Variants in C16orf74 observed in about 807,000 individuals in gnomAD.
C16orf74 encodes the protein uncharacterized protein C16orf74.
A neutral mutation model predicts 6.5 loss-of-function variants in C16orf74; 10 were observed. That is an observed-to-expected ratio of 1.54 (90% CI 0.95 to 2.61). C16orf74 has a LOEUF of 2.61. Among genes scored for constraint, C16orf74 ranks in the 30% most tolerant of loss-of-function variants. The pLI is 0.00. For synonymous variants in C16orf74, 60 were observed against 42.5 expected, an observed-to-expected ratio of 1.41 and a Z score of -1.60; for missense variants, 141 against 105.9, an observed-to-expected ratio of 1.33 and a Z score of -1.45.
chr16:85,730,274 G>A (rs1598796794), intron 2 of C16orf74, among the ~76,000 whole-genome samples: 1 of 152,140 alleles, frequency 6.6e-6, no homozygotes, highest in Non-Finnish European at 1.5e-5. Context: ...AACGGGTCTC[G>A]GAGCTGCCTC....
chr16:85,750,460 G>A (rs1004688616), intron 1 of C16orf74, among the ~76,000 whole-genome samples: 2 of 152,190 alleles, frequency 1.3e-5, no homozygotes, highest in Non-Finnish European at 2.9e-5. Context: ...TGGGAGCGCA[G>A]GGGGGCCCCT....
chr16:85,735,364 G>A (rs1343617489), intron 1 of C16orf74, 129 bp from the exon 2 acceptor site: 2 of 487,762 alleles, frequency 4.1e-6, no homozygotes, highest in Non-Finnish European at 7.2e-6. Context: ...GAAACCACCG[G>A]CCTCCAGGTC....
rs558232732 is a variant in C16orf74 at position 85,733,481 on chromosome 16, T to C, written c.28+1709A>G. On this transcript the variant is annotated intron_variant, in intron 2 of 3. Transcript: ENST00000284245. ...ATTCTGAAGACGGGTGGGGTGATGG[T>C]TGCACAACACTGTGAACGTGCTTAA... Among the ~76,000 whole-genome samples the C allele has an allele frequency of 7.2e-5, 11 of 152,316 alleles. No homozygotes were observed. The South Asian group carries it at 8.3e-4, about 11-fold the overall frequency.
chr16:85,721,734 C>T (rs1275542243), intron 2 of C16orf74, among the ~76,000 whole-genome samples: 4 of 152,180 alleles, frequency 2.6e-5, no homozygotes, highest in African/African-American at 4.8e-5. Flanking sequence ...TCAGGGCTGG[C>T]GCTGGCACTC....
At chr16:85,739,315 T>C (rs1314443230) in intron 1 of C16orf74, among the ~76,000 whole-genome samples, 1 of 152,198 alleles carries the variant, frequency 6.6e-6, no homozygotes, top group Non-Finnish European at 1.5e-5. Flanking sequence ...TCGGATTTTA[T>C]CATCTATTCC....
At chr16:85,732,685 A>AAAG (rs2054202906) in intron 2 of C16orf74, among the ~76,000 whole-genome samples, 1 of 149,422 alleles carries the variant, frequency 6.7e-6, no homozygotes, top group Non-Finnish European at 1.5e-5. Context: ...AAAAAAAAAA[A>AAAG]AAAAGAGTTC....
intron 1 of C16orf74, among the ~76,000 whole-genome samples, chr16:85,736,174 G>A (rs1467382522): frequency 6.6e-6 from 1 of 152,188 alleles, no homozygotes; most frequent in East Asian, 1.9e-4. Flanking sequence ...AGCCGAAGAT[G>A]GGTGGGACCT....
At chr16:85,748,309 T>C (rs2054397122) in intron 1 of C16orf74, among the ~76,000 whole-genome samples, 1 of 151,780 alleles carries the variant, frequency 6.6e-6, no homozygotes, top group South Asian at 2.1e-4. Context: ...TTGAGAGAGT[T>C]ATTATCTGGG....
chr16:85,712,712 C>A (rs1249808390), intron 2 of C16orf74, among the ~76,000 whole-genome samples: 1 of 152,242 alleles, frequency 6.6e-6, no homozygotes, highest in East Asian at 1.9e-4. Flanking sequence ...CTGTGTGACC[C>A]TGCGTGCACT....
intron 1 of C16orf74, among the ~76,000 whole-genome samples, chr16:85,746,645 G>T (rs1278497901): frequency 6.6e-6 from 1 of 152,162 alleles, no homozygotes; most frequent in African/African-American, 2.4e-5. Flanking sequence ...GGCTGAAGAA[G>T]AGTCACAGCT....
chr16:85,718,496 G>T (rs1246742606), intron 2 of C16orf74, among the ~76,000 whole-genome samples: 2 of 152,212 alleles, frequency 1.3e-5, no homozygotes, highest in African/African-American at 4.8e-5. Context: ...GACCCACGAT[G>T]CGATGGACGG....
intron 2 of C16orf74, among the ~76,000 whole-genome samples, chr16:85,730,340 T>C (rs1252077749): frequency 6.6e-6 from 1 of 152,090 alleles, no homozygotes; most frequent in Non-Finnish European, 1.5e-5. Flanking sequence ...GGTCACTTCC[T>C]CTCCTTGGTC....
chr16:85,722,362 T>G (rs1272026555), intron 2 of C16orf74, among the ~76,000 whole-genome samples: 1 of 152,160 alleles, frequency 6.6e-6, no homozygotes, highest in Non-Finnish European at 1.5e-5. Flanking sequence ...ACGTTGCTAC[T>G]TGAGCGAACT....
At position 85,708,031 on chromosome 16, in the gene C16orf74, C is replaced by CA; in HGVS notation, c.207dup (p.Gly70TrpfsTer82). 6.4e-7 allele frequency: 1 copy of CA among 1,553,544 alleles called. No homozygotes were observed. Among genetic ancestry groups the CA allele is most frequent in the Non-Finnish European group, 8.7e-7 (1 of 1,147,954 alleles). On this transcript the variant is annotated frameshift_variant, in exon 4 of 4. Coordinates refer to ENST00000284245, the MANE Select transcript of C16orf74 (RefSeq NM_206967.3). LOFTEE classifies it high-confidence loss of function. ...CCTCAGGCTTCTGGGTCGATTTCTC[C>CA]ATCATCTGGGCACGACCCTGTCTCA... is the stretch of plus-strand genomic sequence containing the variant.
At position 85,725,073 on chromosome 16, in the gene C16orf74, G is replaced by A. The variant is rs547675621; in HGVS notation, c.28+10117C>T. ...TAAGCATGGGTGACTGATGGGGGGG[G>A]GACCGGCTAAGTCCCTGCTGTAAGC... On this transcript the variant is annotated intron_variant, in intron 2 of 3. Coordinates refer to ENST00000284245, the MANE Select transcript of C16orf74 (RefSeq NM_206967.3). 2.9e-3 allele frequency among the ~76,000 whole-genome samples: 447 copies of A among 152,266 alleles called. 4 individuals carry two copies. The highest frequency in any genetic ancestry group is 0.01 in the African/African-American group (430 of 41,558).
chr16:85,710,498 G>C (rs981850894), intron 2 of C16orf74, 191 bp from the exon 3 acceptor site: 5 of 524,686 alleles, frequency 9.5e-6, no homozygotes, highest in African/African-American at 8.1e-5. Context: ...AGGAGCCCTT[G>C]TCACATCTCA....
intron 2 of C16orf74, among the ~76,000 whole-genome samples, chr16:85,733,897 G>A (rs952345543): frequency 1.1e-4 from 16 of 152,292 alleles, no homozygotes; most frequent in African/African-American, 3.1e-4. Context: ...TGGAGGAGCT[G>A]TCAATCAAGA....
In C16orf74 at chr16:85,735,202, A is replaced by G; in HGVS notation, c.16T>C (p.Ser6Pro). The change falls in exon 2 of 4, where the codon TCC becomes CCC. Residue 6 changes from serine to proline, a missense_variant. Transcript: ENST00000284245. MGLKM[S>P]CLKGFQMCVS... ...CTTCAGGCCTTACCTTTCAGGCAGG[A>G]CATCTTAAGCCCCATGTCGGCACCT... The G allele has an allele frequency of 6.2e-7, 1 of 1,603,368 alleles. No individual in the cohort carries two copies. The highest frequency in any genetic ancestry group is 2.3e-5 in the East Asian group (1 of 43,668).
chr16:85,741,310 G>A (rs1301571413), intron 1 of C16orf74, among the ~76,000 whole-genome samples: 3 of 152,206 alleles, frequency 2.0e-5, no homozygotes, highest in African/African-American at 7.2e-5. Flanking sequence ...CCCTGAAGAG[G>A]TGTCTGGAAC....
Sources: gnomAD v4.1 joint callset for allele counts (sites outside exome capture counted in the v4.1 genomes callset) on GRCh38, gnomAD v4.1.1 for gene constraint, MANE v1.5 for transcripts, NCBI Gene and HGNC (gene_info 2026-07-23, HGNC 2026-07-21) for gene names.